HSF2BP: variants seen among roughly 807,000 people sequenced by gnomAD.
The protein encoded by HSF2BP is heat shock transcription factor 2 binding protein, also known as heat shock factor 2-binding protein.
Under a neutral mutation model 35.0 loss-of-function variants are expected in HSF2BP, and 35 were observed. The ratio of observed to expected loss-of-function variants is 1.00; its 90% CI spans 0.76 to 1.32. The LOEUF is 1.32. Ranked by LOEUF, HSF2BP falls within the 40% of genes most tolerant of loss-of-function variation. The pLI is 0.00. For synonymous variants in HSF2BP, 114 were observed against 117.4 expected (o/e 0.97, Z 0.18); for missense variants, 326 against 321.7 (o/e 1.01, Z -0.10).
chr21:43,657,236 G>A (rs1320206077), intron 2 of HSF2BP, among the ~76,000 whole-genome samples: 1 of 152,164 alleles, frequency 6.6e-6, no homozygotes, highest in Non-Finnish European at 1.5e-5. Flanking sequence ...CAGGTGTGGT[G>A]GCCGGCGCCT....
intron 6 of HSF2BP, among the ~76,000 whole-genome samples, chr21:43,627,539 G>A (rs1421447730): frequency 6.6e-6 from 1 of 152,044 alleles, no homozygotes; most frequent in African/African-American, 2.4e-5. Flanking sequence ...ATCACCTGGG[G>A]TGATTTTCCA....
At chr21:43,585,173 T>G (rs1162806903) in intron 8 of HSF2BP, among the ~76,000 whole-genome samples, 1 of 151,866 alleles carries the variant, frequency 6.6e-6, no homozygotes, top group Non-Finnish European at 1.5e-5. Flanking sequence ...TAGCCAAGTA[T>G]GGTGGTGCAT....
chr21:43,590,724 T>C (rs1300215454), intron 8 of HSF2BP, among the ~76,000 whole-genome samples: 2 of 152,160 alleles, frequency 1.3e-5, no homozygotes, highest in Non-Finnish European at 2.9e-5. Context: ...TCAAAATAAT[T>C]ATGCTGAGTG....
chr21:43,583,865 C>G (rs377043022), intron 8 of HSF2BP, among the ~76,000 whole-genome samples: 1 of 128,740 alleles, frequency 7.8e-6, no homozygotes, highest in African/African-American at 3.0e-5. Context: ...GAAGGGCCTG[C>G]TGAGGGAGAT....
In HSF2BP at chr21:43,656,669, C is replaced by T; in HGVS notation, c.105G>A (p.Val35=). 1.2e-6 allele frequency: 2 copies of T among 1,613,912 alleles called. No individual in the cohort carries two copies. The highest frequency in any genetic ancestry group is 1.7e-6 in the Non-Finnish European group (2 of 1,179,794). Residue 35 remains valine, a synonymous_variant, in exon 3 of 9, where the codon GTG becomes GTA. Coordinates refer to ENST00000291560, the MANE Select transcript of HSF2BP (RefSeq NM_007031.2). ...KKDLERLTTE[V]MQIRDFLPRI... is the part of the protein sequence containing the mutation. ...TGGGTAAGAAGTCCCGTATTTGCAT[C>T]ACTTCAGTTGTCAGCCGTTCCAGAT...
At chr21:43,576,988 T>C (rs951405036) in intron 8 of HSF2BP, among the ~76,000 whole-genome samples, 2 of 152,202 alleles carry the variant, frequency 1.3e-5, no homozygotes, top group Admixed American at 1.3e-4. Context: ...GGGTACTCTA[T>C]GTAGGTCAAC....
intron 8 of HSF2BP, among the ~76,000 whole-genome samples, chr21:43,584,903 AAT>A (rs2081827791): frequency 6.6e-6 from 1 of 152,060 alleles, no homozygotes; most frequent in Non-Finnish European, 1.5e-5. Context: ...AAGTTTGAAA[AAT>A]ACCCTCAAAG....
chr21:43,573,027 C>T (rs944609941), intron 8 of HSF2BP, among the ~76,000 whole-genome samples: 2 of 152,294 alleles, frequency 1.3e-5, no homozygotes, highest in South Asian at 2.1e-4. Context: ...CTGGTCCTTA[C>T]GAGGCTCTAA....
chr21:43,628,682 G>A (rs146662437), intron 6 of HSF2BP, among the ~76,000 whole-genome samples: 7 of 152,324 alleles, frequency 4.6e-5, no homozygotes, highest in Middle Eastern at 3.4e-3. Context: ...AGACAAAGTC[G>A]CTTTCTATTG....
chr21:43,657,500 C>T (rs914666991), intron 2 of HSF2BP, among the ~76,000 whole-genome samples: 20 of 152,190 alleles, frequency 1.3e-4, no homozygotes, highest in Admixed American at 2.6e-4. Context: ...CGCCCGTGAT[C>T]TCATCTACTA....
At chr21:43,594,268 T>G (rs1015888651) in intron 7 of HSF2BP, among the ~76,000 whole-genome samples, 8 of 152,100 alleles carry the variant, frequency 5.3e-5, no homozygotes, top group Non-Finnish European at 1.2e-4. Flanking sequence ...GAAAATGACG[T>G]TGGAAGAATG....
chr21:43,632,698 G>A (rs1176108921), intron 5 of HSF2BP, among the ~76,000 whole-genome samples: 1 of 152,138 alleles, frequency 6.6e-6, no homozygotes, highest in Admixed American at 6.5e-5. Context: ...TGAAGATGAT[G>A]AGGGGGAAGA....
At chr21:43,616,671 C>T (rs918708025) in intron 6 of HSF2BP, among the ~76,000 whole-genome samples, 2 of 152,072 alleles carry the variant, frequency 1.3e-5, no homozygotes, top group Admixed American at 1.3e-4. Flanking sequence ...CGGTGGCTCA[C>T]GCCTGTAATC....
At chr21:43,623,125 A>G (rs2082350245) in intron 6 of HSF2BP, among the ~76,000 whole-genome samples, 1 of 152,182 alleles carries the variant, frequency 6.6e-6, no homozygotes, top group Non-Finnish European at 1.5e-5. Context: ...TCTGACCACA[A>G]TACAATAAAA....
chr21:43,627,678 T>C (rs2082406056), intron 6 of HSF2BP, among the ~76,000 whole-genome samples: 1 of 152,204 alleles, frequency 6.6e-6, no homozygotes, highest in Non-Finnish European at 1.5e-5. Context: ...TAAACACCAG[T>C]CTCTGTAACA....
chr21:43,615,870 T>C (rs1379073754), intron 6 of HSF2BP, among the ~76,000 whole-genome samples: 1 of 152,024 alleles, frequency 6.6e-6, no homozygotes, highest in Non-Finnish European at 1.5e-5. Context: ...TCAGATAATA[T>C]ACTGAAACCC....
At chr21:43,595,625 T>C (rs59797051) in intron 7 of HSF2BP, among the ~76,000 whole-genome samples, 1,947 of 149,046 alleles carry the variant, frequency 0.013, 43 homozygotes, top group African/African-American at 0.044. Flanking sequence ...GCTACTACAC[T>C]CCAGCCTGTG....
intron 8 of HSF2BP, among the ~76,000 whole-genome samples, chr21:43,584,610 T>C (rs2081821314): frequency 6.6e-6 from 1 of 152,196 alleles, no homozygotes; most frequent in South Asian, 2.1e-4. Context: ...GATATAAAAA[T>C]TAACTCTCTT....
chr21:43,594,739 G>A (rs1181334405), intron 7 of HSF2BP, among the ~76,000 whole-genome samples: 5 of 152,026 alleles, frequency 3.3e-5, no homozygotes, highest in Non-Finnish European at 7.4e-5. Context: ...GACAGGGAGG[G>A]AGGAAGCGAG....
Sources: gnomAD v4.1 joint callset for allele counts (sites outside exome capture counted in the v4.1 genomes callset) on GRCh38, gnomAD v4.1.1 for gene constraint, MANE v1.5 for transcripts, NCBI Gene and HGNC (gene_info 2026-07-23, HGNC 2026-07-21) for gene names.